The following ADAMTS19 variants were observed in gnomAD, a reference collection of about 807,000 sequenced individuals.
The protein encoded by ADAMTS19 is ADAM metallopeptidase with thrombospondin type 1 motif 19, also known as A disintegrin and metalloproteinase with thrombospondin motifs 19.
In ADAMTS19, 93 loss-of-function variants were observed where a neutral mutation model predicts 153.3. The observed-to-expected ratio is 0.61, with a 90% CI of 0.51 to 0.72. The LOEUF is 0.72. Ranked by LOEUF, ADAMTS19 falls within the 30% of genes least tolerant of loss-of-function variation. The probability of loss-of-function intolerance (pLI) is 0.00; values close to 1 mark genes in which losing one functional copy is unlikely to be tolerated. For missense variants in ADAMTS19, 1,482 were observed against 1,552.1 expected, an observed-to-expected ratio of 0.95 and a Z score of 0.76; for synonymous variants, 600 against 556.6, an observed-to-expected ratio of 1.08 and a Z score of -1.10.
At chr5:129,462,173 T>G (rs2112865402) in intron 2 of ADAMTS19, among the ~76,000 whole-genome samples, 1 of 152,320 alleles carries the variant, frequency 6.6e-6, no homozygotes, top group African/African-American at 2.4e-5. Flanking sequence ...CACTCTCAGT[T>G]CCTCATCTGT....
At chr5:129,708,321 A>G (rs547820089) in intron 21 of ADAMTS19, among the ~76,000 whole-genome samples, 17 of 152,276 alleles carry the variant, frequency 1.1e-4, no homozygotes, top group Admixed American at 9.8e-4. Context: ...ACACAATTAT[A>G]TGCCACGTTC....
intron 19 of ADAMTS19, among the ~76,000 whole-genome samples, chr5:129,699,902 A>G (rs1755750230): frequency 6.6e-6 from 1 of 152,238 alleles, no homozygotes; most frequent in Non-Finnish European, 1.5e-5. Context: ...ATATCAGGAA[A>G]TAATAATAAA....
chr5:129,589,263 G>A lies in ADAMTS19; in HGVS notation c.1373-7296G>A, dbSNP rs1039010350. ...TGAAGATTTTCATGCCAGTTTTCTT[G>A]TATTTGCCCCTTGTTTCTATGGTCA... On this transcript the variant is annotated intron_variant, in intron 7 of 22. Transcript: ENST00000274487. Among the ~76,000 whole-genome samples, 3 of 150,978 alleles carry A rather than the reference G, an allele frequency of 2.0e-5. No homozygotes were observed. The South Asian group carries it at 6.3e-4, about 32-fold the overall frequency.
chr5:129,719,387 AT>A (rs1347159685), intron 21 of ADAMTS19, among the ~76,000 whole-genome samples: 1 of 152,174 alleles, frequency 6.6e-6, no homozygotes, highest in Non-Finnish European at 1.5e-5. Flanking sequence ...AATCTAAGTA[AT>A]CTAAATATTC....
At chr5:129,720,164 ATATATATTTATTT>A (rs1561668904) in intron 21 of ADAMTS19, among the ~76,000 whole-genome samples, 2 of 140,672 alleles carry the variant, frequency 1.4e-5, no homozygotes, top group African/African-American at 5.7e-5. Flanking sequence ...ATATATATAT[ATATATATTTATTT>A]TTTTTTTTTT....
At chr5:129,689,691 CTGGGA>C (rs1755246259) in intron 18 of ADAMTS19, among the ~76,000 whole-genome samples, 1 of 152,152 alleles carries the variant, frequency 6.6e-6, no homozygotes, top group African/African-American at 2.4e-5. Context: ...TCCCAAACTG[CTGGGA>C]TTACAGGCAT....
intron 21 of ADAMTS19, among the ~76,000 whole-genome samples, chr5:129,705,956 C>T (rs1364813557): frequency 6.6e-6 from 1 of 152,062 alleles, no homozygotes; most frequent in African/African-American, 2.4e-5. Flanking sequence ...AACAACTTTT[C>T]CTTTTTTAAT....
In ADAMTS19 at chr5:129,551,214, T is replaced by G. The variant is rs1472568390; in HGVS notation, c.1329-650T>G. The stretch of plus-strand genomic sequence containing the variant: ...TCATATATTCTGCCCCCAAATCTCA[T>G]AGCTCTTATTAAGGTCTATTAAATT... On this transcript the variant is annotated intron_variant, in intron 6 of 22. Coordinates refer to ENST00000274487, the MANE Select transcript of ADAMTS19 (RefSeq NM_133638.6). Among the ~76,000 whole-genome samples, 7 of 151,790 alleles carry G rather than the reference T, an allele frequency of 4.6e-5. No individual in the cohort carries two copies. In the East Asian group the frequency reaches 1.4e-3, roughly 29 times the overall value.
At chr5:129,582,357 CTTT>C (rs889315399) in intron 7 of ADAMTS19, among the ~76,000 whole-genome samples, 6 of 151,018 alleles carry the variant, frequency 4.0e-5, no homozygotes, top group African/African-American at 1.2e-4. Flanking sequence ...TAATGCCCTT[CTTT>C]ATCTTTTTTT....
chr5:129,461,735 T>A lies in ADAMTS19; in HGVS notation c.725T>A (p.Phe242Tyr). Residue 242 changes from phenylalanine to tyrosine, a missense_variant, in exon 2 of 23, where the codon TTC becomes TAC. This residue lies in a region of ADAMTS19 where 866 missense variants were observed against 827.7 expected (regional missense o/e 1.05). Transcript: ENST00000274487. This position sits in a 1 kb window ranked among gnomAD's most constrained non-coding sequence, Gnocchi z 4.6. Reference sequence around the variant, plus strand: ...CGGCACCCTGGCTCGCTGGCTTCTTTCAGCACCTGTGGAGGTGGCCTGGTA... The same window carrying A: ...CGGCACCCTGGCTCGCTGGCTTCTTACAGCACCTGTGGAGGTGGCCTGGTA... ...VLRHPGSLAS[F>Y]STCGGGLMGF... is the part of the protein sequence containing the mutation. 6.6e-7 allele frequency: 1 copy of A among 1,515,698 alleles called. No individual in the cohort carries two copies. Among genetic ancestry groups the A allele is most frequent in the Non-Finnish European group, 8.8e-7 (1 of 1,137,440 alleles). 93.9% of individuals were successfully genotyped at this position (1,515,698 alleles called of 1,614,324 possible). A position where few individuals can be genotyped will look rare whatever the true frequency, so the allele number is the denominator to read the frequency against.
intron 2 of ADAMTS19, among the ~76,000 whole-genome samples, chr5:129,502,027 AG>A (rs1751122580): frequency 6.6e-6 from 1 of 151,936 alleles, no homozygotes; most frequent in African/African-American, 2.4e-5. Context: ...ACTATGAGTG[AG>A]GGGGTTGGGG....
In ADAMTS19 at chr5:129,615,610, A is replaced by C. The variant is rs147604449; in HGVS notation, c.1479-5008A>C. Among the ~76,000 whole-genome samples, 30 of 152,124 alleles carry C rather than the reference A, an allele frequency of 2.0e-4. 2 individuals carry two copies. The highest frequency in any genetic ancestry group is 6.5e-4 in the African/African-American group (27 of 41,544). On this transcript the variant is annotated intron_variant, in intron 8 of 22. Transcript: ENST00000274487. ...CAAATGAAAAGTTTTTGCATAGGAA[A>C]CTAGCTTTTTTATATTAATACACTC...
intron 6 of ADAMTS19, among the ~76,000 whole-genome samples, chr5:129,533,102 C>T (rs1334976846): frequency 7.1e-6 from 1 of 141,020 alleles, no homozygotes; most frequent in Non-Finnish European, 1.6e-5. Context: ...GACTCCACCA[C>T]AAAAAAAAAA....
intron 7 of ADAMTS19, among the ~76,000 whole-genome samples, chr5:129,583,491 A>T (rs945012230): frequency 1.3e-5 from 2 of 152,040 alleles, no homozygotes; most frequent in Non-Finnish European, 2.9e-5. Context: ...CCTGGATAAT[A>T]TCCTGAAGAG....
At chr5:129,675,261 T>C (rs775742478) in intron 16 of ADAMTS19, among the ~76,000 whole-genome samples, 1 of 152,190 alleles carries the variant, frequency 6.6e-6, no homozygotes, top group African/African-American at 2.4e-5. Flanking sequence ...TTAGATTTCA[T>C]TGCATTTTTT....
At chr5:129,683,985 C>T in intron 17 of ADAMTS19, 135 bp from the exon 18 acceptor site, 1 of 921,070 alleles carries the variant, frequency 1.1e-6, no homozygotes, top group Non-Finnish European at 1.6e-6. Flanking sequence ...AAGGGTATGT[C>T]CACAACAGCA....
rs114835135 is a variant in ADAMTS19, at chr5:129,533,318, T to C, written c.1328+4641T>C. Among the ~76,000 whole-genome samples the C allele has an allele frequency of 5.1e-3, 779 of 152,294 alleles. 12 individuals are homozygous for C. Among genetic ancestry groups the C allele is most frequent in the Middle Eastern group, 0.021 (6 of 292 alleles). ...CTTTGGATACATGTGGGTTTATACA[T>C]TTGTCAAAATTCACCAATCTTCTCA... On this transcript the variant is annotated intron_variant, in intron 6 of 22. Transcript: ENST00000274487.
chr5:129,691,682 C>T (rs1755344445), intron 18 of ADAMTS19, among the ~76,000 whole-genome samples: 1 of 152,126 alleles, frequency 6.6e-6, no homozygotes, highest in South Asian at 2.1e-4. Context: ...AGCTGCCAAA[C>T]CTTACAATAT....
intron 2 of ADAMTS19, among the ~76,000 whole-genome samples, chr5:129,498,439 A>G (rs191286213): frequency 9.9e-5 from 15 of 152,176 alleles, no homozygotes; most frequent in Non-Finnish European, 4.4e-5. Context: ...TGAAAGCTTT[A>G]TAAAAGCAAT....
Sources: allele counts gnomAD v4.1 joint callset (sites outside exome capture counted in the v4.1 genomes callset), GRCh38; gene constraint gnomAD v4.1.1; regional missense constraint gnomAD v4.1.1; non-coding constraint Gnocchi (gnomAD v3.1); transcripts MANE v1.5; gene names NCBI Gene and HGNC (gene_info 2026-07-23, HGNC 2026-07-21).